The following ALDH3B2 variants were observed in gnomAD, a reference collection of about 807,000 sequenced individuals.
ALDH3B2 encodes the protein aldehyde dehydrogenase family 3 member B2.
In ALDH3B2, 45 loss-of-function variants were observed where a neutral mutation model predicts 36.7. That is an observed-to-expected ratio of 1.23 (90% CI 0.97 to 1.57). The LOEUF is 1.57. Among genes scored for constraint, ALDH3B2 ranks in the 40% most tolerant of loss-of-function variants. ALDH3B2 has a pLI of 0.00. For synonymous variants in ALDH3B2, 217 were observed against 226.5 expected (o/e 0.96, Z 0.38); for missense variants, 464 against 513.3 (o/e 0.90, Z 0.93).
chr11:67,679,908 G>A (rs1476962274), intron 1 of ALDH3B2, among the ~76,000 whole-genome samples: 4 of 152,172 alleles, frequency 2.6e-5, no homozygotes, highest in African/African-American at 9.7e-5. Context: ...GCTAGAAAGA[G>A]AAATTCTTTC....
chr11:67,667,558 C>T (rs527737715), exon 2 of ALDH3B2: 11 of 383,050 alleles, frequency 2.9e-5, no homozygotes, highest in East Asian at 4.6e-5. Flanking sequence ...CTGCGCAGCC[C>T]GGAACTCGGC....
intron 1 of ALDH3B2, among the ~76,000 whole-genome samples, chr11:67,671,601 C>G (rs1288498742): frequency 1.4e-5 from 2 of 147,170 alleles, no homozygotes; most frequent in Non-Finnish European, 3.0e-5. Flanking sequence ...GGCTGGAGTG[C>G]AATGCTGCGA....
Position 67,666,701 on chromosome 11 carries a change from CACAGGGTAGACAGTGAGG to C in ALDH3B2, c.31-25_31-8del. On this transcript the variant is annotated splice_region_variant and splice_polypyrimidine_tract_variant and intron_variant, in intron 3 of 9. Coordinates refer to ENST00000349015, the Ensembl canonical transcript of ALDH3B2. Reference sequence around the variant, plus strand: ...CCGAGTCCAGCTTCATGAACTGAGGCACAGGGTAGACAGTGAGGCCCTGCCAAGGGCCACCCCAAAGCC... The same window carrying C: ...CCGAGTCCAGCTTCATGAACTGAGGCCCCTGCCAAGGGCCACCCCAAAGCC... The C allele has an allele frequency of 6.2e-7, 1 of 1,614,054 alleles. No homozygotes were observed. Among genetic ancestry groups the C allele is most frequent in the Non-Finnish European group, 8.5e-7 (1 of 1,179,954 alleles).
At chr11:67,663,036 A>C in exon 10 of ALDH3B2, 1 of 782,424 alleles carries the variant, frequency 1.3e-6, no homozygotes, top group Non-Finnish European at 2.0e-6. Flanking sequence ...AGCGTCCCCC[A>C]GATAGAAGCA....
chr11:67,668,198 G>A (rs1855973255), intron 1 of ALDH3B2, among the ~76,000 whole-genome samples: 1 of 152,190 alleles, frequency 6.6e-6, no homozygotes. Context: ...AGGAGGGTTT[G>A]GCACCTGCTC....
chr11:67,680,707 G>A (rs111616309), intron 1 of ALDH3B2, among the ~76,000 whole-genome samples: 4,732 of 152,200 alleles, frequency 0.031, 239 homozygotes, highest in African/African-American at 0.1. Flanking sequence ...GTGAGCCACC[G>A]CACCTGGCCA....
upstream of ALDH3B2, among the ~76,000 whole-genome samples, chr11:67,677,811 G>A (rs138046666): frequency 0.045 from 6,903 of 152,024 alleles, 531 homozygotes; most frequent in African/African-American, 0.16. Context: ...CACCAACAGC[G>A]ACCAAGCAGA....
At chr11:67,664,181 A>C in intron 8 of ALDH3B2, 1 of 705,534 alleles carries the variant, frequency 1.4e-6, no homozygotes, top group Non-Finnish European at 2.3e-6. Flanking sequence ...TGGCCAGGAC[A>C]GAGGATGGAC....
At chr11:67,667,484 C>A in exon 2 of ALDH3B2, 1 of 385,476 alleles carries the variant, frequency 2.6e-6, no homozygotes, top group South Asian at 7.5e-5. Context: ...TTATGCAGGT[C>A]CTGGGCCAGC....
chr11:67,664,295 C>T (rs1855833959), intron 8 of ALDH3B2, 101 bp downstream of exon 8: 1 of 1,559,952 alleles, frequency 6.4e-7, no homozygotes, highest in Non-Finnish European at 8.7e-7. Flanking sequence ...CTTGAGGCAT[C>T]TGCTGCTCTA....
rs1396009106 is a variant in ALDH3B2, at chr11:67,665,785, G to A, written c.320-114C>T. The A allele has an allele frequency of 4.8e-6, 7 of 1,452,636 alleles. No homozygotes were observed. In the African/African-American group the frequency reaches 9.9e-5, roughly 21 times the overall value. 90.0% of individuals were successfully genotyped at this position (1,452,636 alleles called of 1,614,324 possible). ...TGTTGGAGTCGGCGGGCTTCCTAGG[G>A]ACATGGTGAGGAGACCCCATCCTCA... On this transcript the variant is annotated intron_variant, in intron 6 of 9. Transcript: ENST00000349015.
rs74946629 is a variant in ALDH3B2 at position 67,666,562 on chromosome 11, C to G, written c.151+12G>C. 6.2e-7 allele frequency: 1 copy of G among 1,613,708 alleles called. No homozygotes were observed. Among genetic ancestry groups the G allele is most frequent in the Non-Finnish European group, 8.5e-7 (1 of 1,179,776 alleles). On this transcript the variant is annotated intron_variant, in intron 4 of 9. Coordinates refer to ENST00000349015, the Ensembl canonical transcript of ALDH3B2. ...GGCGGGGAGAGCATGGGGTTCGGAA[C>G]GCCCTCCTCACCTGCGGCGAGGGCG...
At chr11:67,662,423 T>G (rs1855770039) in exon 10 of ALDH3B2, 1 of 152,268 alleles carries the variant, frequency 6.6e-6, no homozygotes, top group African/African-American at 2.4e-5. Flanking sequence ...GGACGTGCTT[T>G]CCATACGCCC....
intron 1 of ALDH3B2, among the ~76,000 whole-genome samples, chr11:67,672,148 A>ATATGT (rs1277456067): frequency 8.3e-5 from 8 of 96,156 alleles, no homozygotes; most frequent in African/African-American, 2.9e-4. Context: ...ATATATATGT[A>ATATGT]TTTTTTTTTT....
rs1417068675 is a variant in ALDH3B2, at chr11:67,663,651, C to T, written c.973+11G>A. On this transcript the variant is annotated intron_variant, in intron 9 of 9. Transcript: ENST00000349015. ...AAGCTTCCCTAGGGGTGGAAATGGGCAGGGACCCACCGACTCCCCCGAATG... is the reference window on the plus strand; with the variant it reads ...AAGCTTCCCTAGGGGTGGAAATGGGTAGGGACCCACCGACTCCCCCGAATG... 2 of 1,605,098 alleles carry T rather than the reference C, an allele frequency of 1.2e-6. No individual in the cohort carries two copies. The highest frequency in any genetic ancestry group is 1.7e-6 in the Non-Finnish European group (2 of 1,173,412).
intron 7 of ALDH3B2, 103 bp downstream of exon 7, chr11:67,665,182 G>A: frequency 6.6e-7 from 1 of 1,509,566 alleles, no homozygotes; most frequent in Non-Finnish European, 8.9e-7. Context: ...CTGATAGTGG[G>A]GCCGGGTTTC....
intron 1 of ALDH3B2, among the ~76,000 whole-genome samples, chr11:67,680,084 G>A (rs1024889204): frequency 2.6e-5 from 4 of 152,108 alleles, no homozygotes; most frequent in Admixed American, 1.3e-4. Flanking sequence ...GGGAGGCCGA[G>A]GTGGGTGGGT....
chr11:67,663,179 T>C, exon 10 of ALDH3B2: 1 of 1,566,854 alleles, frequency 6.4e-7, no homozygotes, highest in Non-Finnish European at 8.7e-7. Flanking sequence ...TAGACTCAGG[T>C]TTCTCTGTGT....
chr11:67,669,014 G>A lies in ALDH3B2; in HGVS notation c.-244-1379C>T, dbSNP rs367855635. Among the ~76,000 whole-genome samples the A allele has an allele frequency of 5.8e-3, 859 of 147,580 alleles. 8 individuals carry two copies. Among genetic ancestry groups the A allele is most frequent in the South Asian group, 0.02 (91 of 4,560 alleles). On this transcript the variant is annotated intron_variant, in intron 1 of 9. Transcript: ENST00000349015. ...GTGTCTGTGTGTGTATGTGTATATG[G>A]GTGTCTGTGTCTCTTTGTGTGTATG...
Sources: gnomAD v4.1 joint callset for allele counts (sites outside exome capture counted in the v4.1 genomes callset) on GRCh38, gnomAD v4.1.1 for gene constraint, MANE v1.5 for transcripts, NCBI Gene and HGNC (gene_info 2026-07-23, HGNC 2026-07-21) for gene names.